The following TAF1B variants were observed in gnomAD, a reference collection of about 807,000 sequenced individuals.
TAF1B encodes the protein TATA box-binding protein-associated factor RNA polymerase I subunit B.
In TAF1B, 61 loss-of-function variants were observed where a neutral mutation model predicts 83.9. That is an observed-to-expected ratio of 0.73 (90% CI 0.59 to 0.90). The LOEUF (loss-of-function observed/expected upper bound fraction) is 0.90. Among genes scored for constraint, TAF1B ranks in the 40% least tolerant of loss-of-function variants. The pLI is 0.00. For missense variants in TAF1B, 625 were observed against 677.0 expected (o/e 0.92, Z 0.85); for synonymous variants, 221 against 224.6 (o/e 0.98, Z 0.14).
In TAF1B at chr2:9,875,916, A is replaced by G. The variant is rs1342160236; in HGVS notation, c.605A>G (p.Lys202Arg). Residue 202 changes from lysine (K) to arginine (R), a missense_variant, in exon 7 of 15, where the codon AAG becomes AGG. Coordinates refer to ENST00000263663, the MANE Select transcript of TAF1B (RefSeq NM_005680.3). ...SLDGVEYSQR[K>R]EKGIVKMTMP... ...GATGGAGTTGAATACTCACAACGAA[A>G]GGAGAAGGGAATCGTGAAGATGACC... 7.4e-6 allele frequency: 12 copies of G among 1,612,940 alleles called. No individual in the cohort carries two copies. The highest frequency in any genetic ancestry group is 1.0e-5 in the Non-Finnish European group (12 of 1,179,172).
At chr2:9,874,746 A>G (rs1310070536) in intron 6 of TAF1B, among the ~76,000 whole-genome samples, 1 of 152,208 alleles carries the variant, frequency 6.6e-6, no homozygotes, top group Non-Finnish European at 1.5e-5. Flanking sequence ...ATAATGTCAT[A>G]TGGTAGAGGA....
chr2:9,904,843 C>G lies in TAF1B; in HGVS notation c.808-16C>G, dbSNP rs754366339. 7.5e-6 allele frequency: 12 copies of G among 1,602,974 alleles called. No homozygotes were observed. The highest frequency in any genetic ancestry group is 1.7e-5 in the Admixed American group (1 of 58,198). ...TTGCAAAAATTGCAACTATGATGGT[C>G]TCTCTTTTATTTCAGTCTTGGCCTG... On this transcript the variant is annotated splice_polypyrimidine_tract_variant and intron_variant, in intron 8 of 14. Transcript: ENST00000263663.
chr2:9,909,019 C>T (rs1272093966), intron 9 of TAF1B, among the ~76,000 whole-genome samples: 1 of 152,164 alleles, frequency 6.6e-6, no homozygotes, highest in African/African-American at 2.4e-5. Flanking sequence ...ATCTGGTAGA[C>T]AGAAAAATAC....
At chr2:9,927,741 A>T (rs1474571067) in intron 14 of TAF1B, among the ~76,000 whole-genome samples, 1 of 151,938 alleles carries the variant, frequency 6.6e-6, no homozygotes, top group Non-Finnish European at 1.5e-5. Context: ...AAATTTGTTT[A>T]AGTTCTTTGT....
chr2:9,855,425 T>G (rs897358041), intron 5 of TAF1B, among the ~76,000 whole-genome samples: 1 of 152,170 alleles, frequency 6.6e-6, no homozygotes, highest in Admixed American at 6.5e-5. Context: ...ATACCTGTAA[T>G]CCCAACACTT....
chr2:9,868,196 A>T, intron 5 of TAF1B, 80 bp from the exon 6 acceptor site: 133 of 1,360,966 alleles, frequency 9.8e-5, no homozygotes, highest in Middle Eastern at 2.4e-4. Context: ...GGTGTTTGTG[A>T]TAGGAGTTGT....
At chr2:9,924,819 C>T (rs980506050) in intron 14 of TAF1B, among the ~76,000 whole-genome samples, 6 of 152,214 alleles carry the variant, frequency 3.9e-5, no homozygotes, top group Admixed American at 1.3e-4. Flanking sequence ...TGAAAACACT[C>T]AGAGCTTGGG....
intron 5 of TAF1B, among the ~76,000 whole-genome samples, chr2:9,862,316 G>A (rs1663799125): frequency 6.6e-6 from 1 of 152,184 alleles, no homozygotes; most frequent in Admixed American, 6.5e-5. Flanking sequence ...CTCACTAGCT[G>A]ATGCAATCAA....
At chr2:9,872,193 G>A (rs916792796) in intron 6 of TAF1B, among the ~76,000 whole-genome samples, 3 of 152,096 alleles carry the variant, frequency 2.0e-5, no homozygotes, top group African/African-American at 7.2e-5. Flanking sequence ...GGGTGTGGTG[G>A]CGCACGCCTG....
intron 2 of TAF1B, among the ~76,000 whole-genome samples, chr2:9,848,899 CG>C (rs1043648073): frequency 6.6e-6 from 1 of 152,092 alleles, no homozygotes; most frequent in African/African-American, 2.4e-5. Context: ...AAATGTAATA[CG>C]TACTTTTATA....
chr2:9,888,797 T>TTTG (rs1558251711), intron 8 of TAF1B, among the ~76,000 whole-genome samples: 2 of 92,858 alleles, frequency 2.2e-5, no homozygotes, highest in African/African-American at 6.2e-5. Context: ...TTGGTTTTTT[T>TTTG]TTTTTTTTTT....
At chr2:9,846,842 G>A (rs928486943) in intron 2 of TAF1B, among the ~76,000 whole-genome samples, 1 of 152,150 alleles carries the variant, frequency 6.6e-6, no homozygotes, top group African/African-American at 2.4e-5. Flanking sequence ...GATATATTTT[G>A]TGTGTGTGTC....
rs769282041 is a variant in TAF1B at position 9,909,797 on chromosome 2, AC to A, written c.956-938del. On this transcript the variant is annotated intron_variant, in intron 9 of 14. Coordinates refer to ENST00000263663, the MANE Select transcript of TAF1B (RefSeq NM_005680.3). ...CCTATTTTAGATAGATTGTTTAAAA[AC>A]TGAGGCACAGAAAGGTTGTATAACA... is the stretch of plus-strand genomic sequence containing the variant. Among the ~76,000 whole-genome samples, 10 of 152,324 alleles carry A rather than the reference AC, an allele frequency of 6.6e-5. No individual in the cohort carries two copies. The East Asian group carries it at 1.5e-3, about 24-fold the overall frequency.
chr2:9,876,480 G>C (rs533383448), intron 7 of TAF1B, among the ~76,000 whole-genome samples: 1 of 152,308 alleles, frequency 6.6e-6, no homozygotes, highest in African/African-American at 2.4e-5. Flanking sequence ...GAAAGGATGT[G>C]TTATCCAGAT....
intron 8 of TAF1B, among the ~76,000 whole-genome samples, chr2:9,891,013 C>A (rs989062742): frequency 6.6e-6 from 1 of 152,164 alleles, no homozygotes; most frequent in African/African-American, 2.4e-5. Context: ...CTCAGGTGAT[C>A]CACCCGCCTC....
chr2:9,861,080 G>C (rs942084021), intron 5 of TAF1B, among the ~76,000 whole-genome samples: 15 of 152,348 alleles, frequency 9.8e-5, no homozygotes, highest in African/African-American at 3.1e-4. Context: ...CATCTCACTG[G>C]GGAGTGCGGG....
intron 3 of TAF1B, among the ~76,000 whole-genome samples, chr2:9,850,363 A>G (rs562119150): frequency 1.3e-5 from 2 of 152,320 alleles, no homozygotes; most frequent in Non-Finnish European, 2.9e-5. Context: ...AATGCCATCC[A>G]TTATGGAAAA....
intron 1 of TAF1B, 114 bp from the exon 2 acceptor site, chr2:9,845,106 T>C (rs1159939191): frequency 2.3e-5 from 15 of 649,068 alleles, no homozygotes; most frequent in Non-Finnish European, 3.4e-5. Flanking sequence ...TTATTGTCTA[T>C]GATTTTTTAT....
At chr2:9,886,826 GGAGGCC>G (rs2125157889) in intron 8 of TAF1B, among the ~76,000 whole-genome samples, 1 of 152,318 alleles carries the variant, frequency 6.6e-6, no homozygotes, top group South Asian at 2.1e-4. Context: ...CAGCACTTTG[GGAGGCC>G]GAGGCAGGCG....
Sources: allele counts gnomAD v4.1 joint callset (sites outside exome capture counted in the v4.1 genomes callset), GRCh38; gene constraint gnomAD v4.1.1; transcripts MANE v1.5; gene names NCBI Gene and HGNC (gene_info 2026-07-23, HGNC 2026-07-21).